COL21A1: variants seen among roughly 807,000 people sequenced by gnomAD.
COL21A1 encodes collagen alpha-1(XXI) chain.
In COL21A1, 149 loss-of-function variants were observed where a neutral mutation model predicts 137.9. The ratio of observed to expected loss-of-function variants is 1.08; its 90% CI spans 0.95 to 1.24. The LOEUF (loss-of-function observed/expected upper bound fraction) is 1.24. Ranked by LOEUF, COL21A1 falls within the 50% of genes most tolerant of loss-of-function variation. The probability of loss-of-function intolerance (pLI) is 0.00; values close to 1 mark genes in which losing one functional copy is unlikely to be tolerated. For missense variants in COL21A1, 1,167 were observed against 1,158.4 expected, an observed-to-expected ratio of 1.01 and a Z score of -0.11; for synonymous variants, 456 against 391.5, an observed-to-expected ratio of 1.16 and a Z score of -1.95.
chr6:56,139,580 T>C (rs566065716), intron 12 of COL21A1, among the ~76,000 whole-genome samples: 1 of 152,268 alleles, frequency 6.6e-6, no homozygotes, highest in African/African-American at 2.4e-5. Context: ...TTTTGGTAAT[T>C]TTTGTTTGGT....
chr6:56,166,881 G>A lies in COL21A1; in HGVS notation c.1278+25C>T, dbSNP rs1554149835. On this transcript the variant is annotated intron_variant, in intron 7 of 29. Coordinates refer to ENST00000244728, the MANE Select transcript of COL21A1 (RefSeq NM_030820.4). ...TTGAAAGTACTAAAGCAACATCTGG[G>A]AAAAAAACAATCCCTCCTACTTACA... The A allele has an allele frequency of 2.5e-6, 4 of 1,579,372 alleles. No individual in the cohort carries two copies. The South Asian group carries it at 4.5e-5, about 18-fold the overall frequency.
At chr6:56,203,637 G>A (rs1157113276) in intron 1 of COL21A1, among the ~76,000 whole-genome samples, 1 of 152,168 alleles carries the variant, frequency 6.6e-6, no homozygotes, top group Non-Finnish European at 1.5e-5. Flanking sequence ...GGCTTCCATT[G>A]ACTAAAGACG....
chr6:56,100,403 G>A (rs953810506), intron 17 of COL21A1, among the ~76,000 whole-genome samples: 8 of 152,142 alleles, frequency 5.3e-5, no homozygotes, highest in Admixed American at 2.0e-4. Flanking sequence ...AATTTCCTAC[G>A]TAAGCTTCAC....
At chr6:56,358,134 T>A (rs1765878056) in intron 1 of COL21A1, among the ~76,000 whole-genome samples, 1 of 152,066 alleles carries the variant, frequency 6.6e-6, no homozygotes, top group Non-Finnish European at 1.5e-5. Flanking sequence ...TTCTAAGGGG[T>A]ATATAAAATG....
chr6:56,154,090 A>G (rs1365444591), intron 10 of COL21A1, among the ~76,000 whole-genome samples: 2 of 152,146 alleles, frequency 1.3e-5, no homozygotes, highest in African/African-American at 4.8e-5. Context: ...TGGGGCTTTA[A>G]GAGGTAGTTA....
chr6:56,315,152 T>G (rs1764703198), intron 1 of COL21A1, among the ~76,000 whole-genome samples: 1 of 152,214 alleles, frequency 6.6e-6, no homozygotes, highest in Non-Finnish European at 1.5e-5. Flanking sequence ...GATGTCTGAT[T>G]GTAAAACACA....
chr6:56,089,510 G>A (rs79865332), intron 17 of COL21A1, among the ~76,000 whole-genome samples: 2,060 of 151,726 alleles, frequency 0.014, 45 homozygotes, highest in African/African-American at 0.046. Flanking sequence ...CTGTCAAAAC[G>A]TTCCAAAAAA....
At position 56,130,165 on chromosome 6, in the gene COL21A1, TTA is replaced by T. The variant is rs201644225; in HGVS notation, c.1543-4018_1543-4017del. Reference sequence around the variant, plus strand: ...CCCTGAGAGCATTCATGACAGGGTTTTATATATATATATATATATATATATAT... The same window carrying T: ...CCCTGAGAGCATTCATGACAGGGTTTTATATATATATATATATATATATAT... On this transcript the variant is annotated intron_variant, in intron 12 of 29. Coordinates refer to ENST00000244728, the MANE Select transcript of COL21A1 (RefSeq NM_030820.4). 4.3e-3 allele frequency among the ~76,000 whole-genome samples: 467 copies of T among 107,780 alleles called. 1 individual carries two copies. The highest frequency in any genetic ancestry group is 5.9e-3 in the African/African-American group (164 of 27,646). 70.7% of individuals were successfully genotyped at this position (107,780 alleles called of 152,430 possible). A position where few individuals can be genotyped will look rare whatever the true frequency, so the allele number is the denominator to read the frequency against.
At position 56,141,925 on chromosome 6, in the gene COL21A1, C is replaced by T. The variant is rs1242407874; in HGVS notation, c.1488+5G>A. 1.9e-6 allele frequency: 3 copies of T among 1,554,996 alleles called. No individual in the cohort carries two copies. Among genetic ancestry groups the T allele is most frequent in the African/African-American group, 2.7e-5 (2 of 72,838 alleles). On this transcript the variant is annotated splice_donor_5th_base_variant and intron_variant, in intron 11 of 29. Transcript: ENST00000244728. ...TTATAAAATGTATATAAGTGGATCA[C>T]ATACTTGTATTCCTGGAGATCCTGG...
intron 1 of COL21A1, among the ~76,000 whole-genome samples, chr6:56,321,168 C>T (rs974067516): frequency 7.2e-5 from 11 of 152,268 alleles, no homozygotes; most frequent in South Asian, 4.1e-4. Flanking sequence ...GGGTCTCTCA[C>T]GTTTCTGCAC....
chr6:56,061,619 C>T, intron 25 of COL21A1, 30 bp downstream of exon 25: 1 of 1,530,356 alleles, frequency 6.5e-7, no homozygotes, highest in Non-Finnish European at 9.0e-7. Flanking sequence ...AGAAAGAGAG[C>T]AAGAGAGCAT....
intron 1 of COL21A1, among the ~76,000 whole-genome samples, chr6:56,358,228 A>G (rs2152347976): frequency 6.6e-6 from 1 of 152,284 alleles, no homozygotes; most frequent in Non-Finnish European, 1.5e-5. Flanking sequence ...CACCTAGTCC[A>G]TTCTCAACGA....
chr6:56,142,045 T>C (rs2076473), intron 10 of COL21A1, 62 bp from the exon 11 acceptor site: 649,596 of 1,239,678 alleles, frequency 0.52, 174,696 homozygotes, highest in East Asian at 0.71. Context: ...GAGAAGTTCT[T>C]CGTTTCAGAA....
At chr6:56,340,661 A>G (rs560489416) in intron 1 of COL21A1, among the ~76,000 whole-genome samples, 12 of 152,214 alleles carry the variant, frequency 7.9e-5, no homozygotes, top group African/African-American at 2.6e-4. Context: ...TCAAGTAGCA[A>G]TTTGGCTTTC....
At chr6:56,390,879 C>T (rs1468135805) in intron 1 of COL21A1, among the ~76,000 whole-genome samples, 1 of 152,014 alleles carries the variant, frequency 6.6e-6, no homozygotes, top group Admixed American at 6.6e-5. Context: ...TGTTGGGAAC[C>T]TCAACCACCT....
chr6:56,337,985 G>A (rs1478395737), intron 1 of COL21A1, among the ~76,000 whole-genome samples: 38 of 140,718 alleles, frequency 2.7e-4, no homozygotes, highest in African/African-American at 9.9e-4. Context: ...TTTTTTGAGA[G>A]GGAGTCTCAT....
chr6:56,087,785 C>A (rs1294727835), intron 17 of COL21A1, among the ~76,000 whole-genome samples: 1 of 152,094 alleles, frequency 6.6e-6, no homozygotes, highest in East Asian at 1.9e-4. Flanking sequence ...TCCTTTGTGG[C>A]ATTTCTTTCT....
At chr6:56,362,081 G>A (rs1475660311) in intron 1 of COL21A1, among the ~76,000 whole-genome samples, 1 of 152,022 alleles carries the variant, frequency 6.6e-6, no homozygotes, top group South Asian at 2.1e-4. Context: ...ATCCACCCCC[G>A]ACCCGTCCAC....
intron 1 of COL21A1, among the ~76,000 whole-genome samples, chr6:56,315,141 A>G (rs1027257482): frequency 2.0e-5 from 3 of 152,214 alleles, no homozygotes; most frequent in Admixed American, 6.5e-5. Context: ...CTTTTCATCC[A>G]GATGTCTGAT....
Sources: allele counts gnomAD v4.1 joint callset (sites outside exome capture counted in the v4.1 genomes callset), GRCh38; gene constraint gnomAD v4.1.1; transcripts MANE v1.5; gene names NCBI Gene and HGNC (gene_info 2026-07-23, HGNC 2026-07-21).